The following ADGRG2 variants were observed in gnomAD, a reference collection of about 807,000 sequenced individuals.
The protein encoded by ADGRG2 is G protein-coupled receptor 64.
A neutral mutation model predicts 74.1 loss-of-function variants in ADGRG2; 26 were observed. That is an observed-to-expected ratio of 0.35 (90% confidence interval 0.26 to 0.49). The LOEUF is 0.49. Among genes scored for constraint, ADGRG2 ranks in the 20% least tolerant of loss-of-function variants. The pLI, the probability that ADGRG2 is intolerant of heterozygous loss-of-function variation, is 0.99. For missense variants in ADGRG2, 619 were observed against 763.1 expected, an observed-to-expected ratio of 0.81 and a Z score of 2.22; for synonymous variants, 296 against 295.2, an observed-to-expected ratio of 1.00 and a Z score of -0.03.
At chrX:19,055,240 T>TTGTGTGTG (rs35438679) in intron 3 of ADGRG2, among the ~76,000 whole-genome samples, 3 of 103,621 alleles carry the variant, frequency 2.9e-5, no homozygotes, top group Non-Finnish European at 4.0e-5. Context: ...GCAAATCCCT[T>TTGTGTGTG]TGTGTGTGTG....
chrX:19,066,099 C>T (rs1269159191), intron 3 of ADGRG2, among the ~76,000 whole-genome samples: 2 of 112,422 alleles, frequency 1.8e-5, no homozygotes, highest in African/African-American at 3.2e-5. Flanking sequence ...CCACCCGCCT[C>T]GGCCTCCCAA....
intron 15 of ADGRG2, among the ~76,000 whole-genome samples, chrX:19,014,870 T>A (rs762775404): frequency 1.8e-5 from 2 of 111,885 alleles, no homozygotes; most frequent in Non-Finnish European, 3.8e-5. Context: ...TGACCTCCGA[T>A]GATCTGCCCG....
chrX:19,078,381 C>G (rs753754853), intron 2 of ADGRG2, among the ~76,000 whole-genome samples: 1 of 110,586 alleles, frequency 9.0e-6, no homozygotes, highest in Non-Finnish European at 1.9e-5. Flanking sequence ...GGGACCCCCC[C>G]TCCATCTCTA....
Position 19,053,177 on chromosome X carries a change from A to AT in ADGRG2, c.119-12954dup, listed in dbSNP as rs1197071443. 3.6e-5 allele frequency among the ~76,000 whole-genome samples: 4 copies of AT among 111,043 alleles called. No homozygotes were observed. The East Asian group carries it at 1.1e-3, about 31-fold the overall frequency. ...GCCCCTGTTCCTGACACAGAACAAT[A>AT]TTTTTTGTATAACTATGAAATAAAT... On this transcript the variant is annotated intron_variant, in intron 3 of 28. Transcript: ENST00000379869.
intron 15 of ADGRG2, among the ~76,000 whole-genome samples, chrX:19,015,672 T>C (rs2060453735): frequency 8.9e-6 from 1 of 111,825 alleles, no homozygotes; most frequent in Non-Finnish European, 1.9e-5. Flanking sequence ...TGAGCCAAGA[T>C]TGTACCACTG....
At position 19,008,036 on chromosome X, in the gene ADGRG2, T is replaced by A; in HGVS notation, c.1510A>T (p.Met504Leu). 1 of 1,193,777 alleles carries A rather than the reference T, an allele frequency of 8.4e-7. No homozygotes were observed. Among genetic ancestry groups the A allele is most frequent in the Non-Finnish European group, 1.1e-6 (1 of 879,610 alleles). Residue 504 changes from methionine (M) to leucine (L), a missense_variant, in exon 19 of 29, where the codon ATG becomes TTG. Physicochemically the swap from Met to Leu is conservative, Grantham distance 15 (BLOSUM62 2). Coordinates refer to ENST00000379869, the MANE Select transcript of ADGRG2 (RefSeq NM_001079858.3). ...AACTGAACCCTGGAAGCTAGCTCCA[T>A]GTCATGAGCTGGTAAATTATTCATC... is the stretch of plus-strand genomic sequence containing the variant. Reference protein sequence around the residue: ...SLMNNLPAHDMELASRVQFNF... With the variant: ...SLMNNLPAHDLELASRVQFNF...
At chrX:19,051,763 T>G (rs1447904839) in intron 3 of ADGRG2, among the ~76,000 whole-genome samples, 1 of 111,404 alleles carries the variant, frequency 9.0e-6, no homozygotes, top group Non-Finnish European at 1.9e-5. Flanking sequence ...CAGCTTCCAC[T>G]GAGCTCCCAG....
chrX:19,100,488 C>G (rs1425318328), intron 1 of ADGRG2, among the ~76,000 whole-genome samples: 1 of 113,105 alleles, frequency 8.8e-6, no homozygotes, highest in Non-Finnish European at 1.9e-5. Flanking sequence ...TTGCCAACCC[C>G]TGGCCTAGAA....
intron 15 of ADGRG2, among the ~76,000 whole-genome samples, chrX:19,019,034 C>G (rs767974037): frequency 9.0e-6 from 1 of 111,034 alleles, no homozygotes; most frequent in African/African-American, 3.3e-5. Flanking sequence ...TTTAGTAGAG[C>G]TGGGGTTTCA....
chrX:19,042,054 C>A (rs1279010444), intron 3 of ADGRG2, among the ~76,000 whole-genome samples: 2 of 111,382 alleles, frequency 1.8e-5, no homozygotes, highest in East Asian at 5.6e-4. Context: ...GAGGCTCAAG[C>A]ACTCACCTCG....
At chrX:19,087,659 C>T (rs1447207856) in intron 1 of ADGRG2, among the ~76,000 whole-genome samples, 1 of 112,090 alleles carries the variant, frequency 8.9e-6, no homozygotes, top group African/African-American at 3.2e-5. Flanking sequence ...TTCGGAATTG[C>T]TTTGTAAAAC....
At chrX:19,057,509 T>C (rs1738299010) in intron 3 of ADGRG2, among the ~76,000 whole-genome samples, 1 of 111,864 alleles carries the variant, frequency 8.9e-6, no homozygotes, top group South Asian at 3.7e-4. Context: ...AATCGCTTAT[T>C]TATCCACAAT....
intron 3 of ADGRG2, among the ~76,000 whole-genome samples, chrX:19,063,009 A>T (rs1246384448): frequency 2.1e-4 from 11 of 52,106 alleles, no homozygotes; most frequent in African/African-American, 7.9e-4. Flanking sequence ...TCAAAGATTT[A>T]AAAAAAAAAA....
At chrX:19,012,205 C>T (rs1243681563) in intron 16 of ADGRG2, among the ~76,000 whole-genome samples, 3 of 111,746 alleles carry the variant, frequency 2.7e-5, no homozygotes, top group Non-Finnish European at 5.6e-5. Flanking sequence ...GGAACCATTA[C>T]GTTTATTCTA....
At chrX:19,031,971 T>C (rs1480600398) in intron 8 of ADGRG2, 2 of 112,561 alleles carry the variant, frequency 1.8e-5, no homozygotes, top group Non-Finnish European at 3.8e-5. Flanking sequence ...AAACTTGTTA[T>C]ATTAAGAAAT....
chrX:19,010,322 T>G (rs2060330031), intron 17 of ADGRG2, among the ~76,000 whole-genome samples: 1 of 110,157 alleles, frequency 9.1e-6, no homozygotes, highest in African/African-American at 3.3e-5. Context: ...GGTTTCACCA[T>G]GTTAGCCAGG....
intron 15 of ADGRG2, among the ~76,000 whole-genome samples, chrX:19,017,601 G>A (rs766632806): frequency 2.3e-4 from 26 of 111,670 alleles, no homozygotes; most frequent in Admixed American, 4.8e-4. Flanking sequence ...GCTGAATGGG[G>A]CATGTTACTC....
At chrX:19,063,253 C>G (rs1025439353) in intron 3 of ADGRG2, among the ~76,000 whole-genome samples, 1 of 111,733 alleles carries the variant, frequency 8.9e-6, no homozygotes, top group Non-Finnish European at 1.9e-5. Flanking sequence ...ACTGTGTTTA[C>G]GGTCCAGATC....
At chrX:19,018,725 T>C (rs1213751537) in intron 15 of ADGRG2, among the ~76,000 whole-genome samples, 2 of 112,120 alleles carry the variant, frequency 1.8e-5, no homozygotes, top group African/African-American at 6.5e-5. Flanking sequence ...CATAAAATTG[T>C]TTCAAAATTT....
Sources: gnomAD v4.1 joint callset for allele counts (sites outside exome capture counted in the v4.1 genomes callset) on GRCh38, gnomAD v4.1.1 for gene constraint, MANE v1.5 for transcripts, NCBI Gene and HGNC (gene_info 2026-07-23, HGNC 2026-07-21) for gene names.